SLC24A2: variants seen among roughly 807,000 people sequenced by gnomAD.
SLC24A2 encodes the protein solute carrier family 24 member 2.
SLC24A2 carries 36 observed loss-of-function variants against 62.0 expected under a neutral mutation model. That is an observed-to-expected ratio of 0.58 (90% CI 0.44 to 0.77). SLC24A2 has a LOEUF of 0.77. SLC24A2 is among the 30% of genes least tolerant of loss of function. The probability of loss-of-function intolerance (pLI) is 0.00; values close to 1 mark genes in which losing one functional copy is unlikely to be tolerated. For missense variants in SLC24A2, 846 were observed against 817.9 expected (o/e 1.03, Z -0.42); for synonymous variants, 358 against 294.0 (o/e 1.22, Z -2.23).
chr9:20,069,733 C>T, the SLC24A2 span, among the ~76,000 whole-genome samples: 24 of 152,254 alleles, frequency 1.6e-4, no homozygotes, highest in African/African-American at 2.4e-4. Flanking sequence ...CTATGCTGTT[C>T]GCATTATTTT....
At chr9:19,995,686 C>T in the SLC24A2 span, among the ~76,000 whole-genome samples, 5 of 152,208 alleles carry the variant, frequency 3.3e-5, no homozygotes, top group Non-Finnish European at 7.3e-5. Context: ...TTACTGTAGA[C>T]ATGAGGAATT....
chr9:19,560,395 A>T (rs552245718), intron 7 of SLC24A2, among the ~76,000 whole-genome samples: 1 of 150,328 alleles, frequency 6.7e-6, no homozygotes, highest in South Asian at 2.1e-4. Flanking sequence ...AGGTTAAATG[A>T]GGTAATAAGG....
chr9:19,942,100 T>C, the SLC24A2 span, among the ~76,000 whole-genome samples: 1 of 152,216 alleles, frequency 6.6e-6, no homozygotes, highest in Admixed American at 6.5e-5. Flanking sequence ...TGAATAATTT[T>C]CCAAGCCTTA....
At chr9:20,140,263 G>T in the SLC24A2 span, among the ~76,000 whole-genome samples, 1 of 152,128 alleles carries the variant, frequency 6.6e-6, no homozygotes, top group South Asian at 2.1e-4. Context: ...TGTGGGGGAG[G>T]GAGGCAGATC....
chr9:19,737,291 C>G (rs1364571119), intron 2 of SLC24A2, among the ~76,000 whole-genome samples: 1 of 152,150 alleles, frequency 6.6e-6, no homozygotes, highest in Non-Finnish European at 1.5e-5. Context: ...ACAAATATAT[C>G]TTCATGGTAA....
At chr9:20,058,513 A>ACT in the SLC24A2 span, among the ~76,000 whole-genome samples, 81 of 151,888 alleles carry the variant, frequency 5.3e-4, 1 homozygote, top group African/African-American at 1.8e-3. Context: ...ACACACACAC[A>ACT]CACACACAAA....
chr9:20,260,641 C>T, the SLC24A2 span, among the ~76,000 whole-genome samples: 1 of 151,904 alleles, frequency 6.6e-6, no homozygotes, highest in Admixed American at 6.6e-5. Flanking sequence ...ATCTCCATTG[C>T]TTTTATTTTT....
rs552492507 is a variant in SLC24A2, at chr9:19,727,697, G to T, written c.930+58240C>A. On this transcript the variant is annotated intron_variant, in intron 2 of 10. Transcript: ENST00000341998. ...GCTATAAATCCTTTTCCAGAAGAAA[G>T]AACTTTTTAAAATTAATTTATCTTA... Among the ~76,000 whole-genome samples, 6 of 152,222 alleles carry T rather than the reference G, an allele frequency of 3.9e-5. 1 individual carries two copies. The highest frequency in any genetic ancestry group is 1.4e-4 in the African/African-American group (6 of 41,538).
chr9:19,680,605 C>CATATATAT (rs3086327), intron 2 of SLC24A2, among the ~76,000 whole-genome samples: 66,761 of 147,246 alleles, frequency 0.45, 17,514 homozygotes, highest in East Asian at 0.73. Context: ...AGTTCTATAA[C>CATATATAT]ATATATATAT....
intron 2 of SLC24A2, among the ~76,000 whole-genome samples, chr9:19,636,315 T>TTTTCTTTCCTTTTCTTTCCTTCC (rs1818329839): frequency 2.5e-5 from 1 of 40,328 alleles, no homozygotes; most frequent in Non-Finnish European, 4.7e-5. Flanking sequence ...TTTTCTTTTC[T>TTTTCTTTCCTTTTCTTTCCTTCC]TTTCTTTCTT....
the SLC24A2 span, among the ~76,000 whole-genome samples, chr9:20,056,783 G>C: frequency 6.6e-6 from 1 of 152,120 alleles, no homozygotes. Flanking sequence ...TGTGGCCACA[G>C]GGCTGCAATC....
At chr9:19,702,308 A>G (rs916312866) in intron 2 of SLC24A2, among the ~76,000 whole-genome samples, 2 of 152,190 alleles carry the variant, frequency 1.3e-5, no homozygotes, top group African/African-American at 4.8e-5. Flanking sequence ...ATAATGTCTT[A>G]TGCAAAGCAA....
intron 2 of SLC24A2, among the ~76,000 whole-genome samples, chr9:19,642,350 T>C (rs1396784532): frequency 6.6e-6 from 1 of 152,184 alleles, no homozygotes; most frequent in Non-Finnish European, 1.5e-5. Context: ...TCAGTGAAGA[T>C]GTGCCCAGTC....
At chr9:19,642,986 CTTTTTTT>C (rs71335441) in intron 2 of SLC24A2, among the ~76,000 whole-genome samples, 3 of 125,326 alleles carry the variant, frequency 2.4e-5, no homozygotes, top group Non-Finnish European at 3.3e-5. Context: ...GGCCAGTATT[CTTTTTTT>C]TTTTTTTTTT....
chr9:19,530,080 T>C (rs980221936), intron 8 of SLC24A2, among the ~76,000 whole-genome samples: 2 of 5,100 alleles, frequency 3.9e-4, no homozygotes, highest in Non-Finnish European at 8.5e-4. Flanking sequence ...AAAAGCAGCT[T>C]TTTTTTTTTT....
the SLC24A2 span, among the ~76,000 whole-genome samples, chr9:19,936,780 G>C: frequency 6.6e-6 from 1 of 152,172 alleles, no homozygotes; most frequent in African/African-American, 2.4e-5. Flanking sequence ...AAGGTGTCTA[G>C]AGATATTATC....
chr9:19,673,608 C>T (rs1819482026), intron 2 of SLC24A2, among the ~76,000 whole-genome samples: 1 of 152,114 alleles, frequency 6.6e-6, no homozygotes, highest in African/African-American at 2.4e-5. Flanking sequence ...ACCACCATGC[C>T]CAGCTAATTT....
At chr9:20,048,703 G>A in the SLC24A2 span, among the ~76,000 whole-genome samples, 5 of 151,588 alleles carry the variant, frequency 3.3e-5, no homozygotes, top group African/African-American at 9.7e-5. Context: ...GCAGTCCTAA[G>A]AGGGAAAAAT....
chr9:19,840,001 T>C, the SLC24A2 span, among the ~76,000 whole-genome samples: 1 of 152,352 alleles, frequency 6.6e-6, no homozygotes, highest in East Asian at 1.9e-4. Flanking sequence ...TGAACAATGA[T>C]GAAATCACCT....
Sources: allele counts gnomAD v4.1 joint callset (sites outside exome capture counted in the v4.1 genomes callset), GRCh38; gene constraint gnomAD v4.1.1; transcripts MANE v1.5; gene names NCBI Gene and HGNC (gene_info 2026-07-23, HGNC 2026-07-21).